LYPD6B: variants seen among roughly 807,000 people sequenced by gnomAD.
LYPD6B encodes the protein ly6/PLAUR domain-containing protein 6B.
Under a neutral mutation model 22.8 loss-of-function variants are expected in LYPD6B, and 17 were observed. The observed-to-expected ratio is 0.75, with a 90% CI of 0.51 to 1.12. The LOEUF (loss-of-function observed/expected upper bound fraction) is 1.12. LYPD6B is among the 50% of genes most tolerant of loss of function. The probability of loss-of-function intolerance (pLI) is 0.00; values close to 1 mark genes in which losing one functional copy is unlikely to be tolerated. For synonymous variants in LYPD6B, 106 were observed against 91.6 expected, an observed-to-expected ratio of 1.16 and a Z score of -0.90; for missense variants, 221 against 258.3, an observed-to-expected ratio of 0.86 and a Z score of 0.99.
rs952129082 is a variant in LYPD6B at position 149,214,773 on chromosome 2, C to T, written c.*63C>T. ...AAGCACAAGCCAAAAACTGTGTGAACGGTGAACTTTGGAGTGAAGATCAAT... is the reference window on the plus strand; with the variant it reads ...AAGCACAAGCCAAAAACTGTGTGAATGGTGAACTTTGGAGTGAAGATCAAT... On this transcript the variant is annotated 3_prime_UTR_variant, in exon 7 of 7. Transcript: ENST00000409642. The T allele has an allele frequency of 4.3e-5, 66 of 1,544,912 alleles. No individual in the cohort carries two copies. The highest frequency in any genetic ancestry group is 1.2e-4 in the South Asian group (11 of 88,872).
chr2:149,157,249 T>C (rs187271901), intron 2 of LYPD6B, among the ~76,000 whole-genome samples: 5 of 152,238 alleles, frequency 3.3e-5, no homozygotes, highest in Admixed American at 6.5e-5. Flanking sequence ...TGCTTACTTA[T>C]ATACTAAAAA....
At position 149,070,641 on chromosome 2, in the gene LYPD6B, CCTT is replaced by C. The variant is rs572153773; in HGVS notation, c.-67+31843_-67+31845del. Among the ~76,000 whole-genome samples the C allele has an allele frequency of 2.6e-5, 4 of 152,282 alleles. No homozygotes were observed. The South Asian group carries it at 6.2e-4, about 24-fold the overall frequency. ...GTTGGCTTCTAGTCATCATAACTGA[CCTT>C]CTCCATAATTAGACAACCCATTGTA... On this transcript the variant is annotated intron_variant, in intron 1 of 6. Transcript: ENST00000409642.
At chr2:149,134,385 C>T (rs563230951) in intron 2 of LYPD6B, among the ~76,000 whole-genome samples, 26 of 152,208 alleles carry the variant, frequency 1.7e-4, no homozygotes, top group Non-Finnish European at 2.9e-4. Flanking sequence ...CATTATATTT[C>T]GATTACATGG....
intron 1 of LYPD6B, among the ~76,000 whole-genome samples, chr2:149,050,357 A>T (rs1325806941): frequency 5.3e-5 from 8 of 152,178 alleles, no homozygotes; most frequent in Non-Finnish European, 1.0e-4. Flanking sequence ...TTCACCCTGG[A>T]GACAGTCTTC....
chr2:149,195,046 C>T (rs115841081), intron 3 of LYPD6B, among the ~76,000 whole-genome samples: 27 of 152,220 alleles, frequency 1.8e-4, no homozygotes, highest in Non-Finnish European at 3.2e-4. Flanking sequence ...TGTTACAAAA[C>T]TTAAAACATT....
At chr2:149,039,062 G>T (rs1401101217) in intron 1 of LYPD6B, among the ~76,000 whole-genome samples, 1 of 151,972 alleles carries the variant, frequency 6.6e-6, no homozygotes, top group Non-Finnish European at 1.5e-5. Context: ...GGGGGCCGGG[G>T]CAAGGCTGGA....
At chr2:149,157,018 T>A (rs1689747673) in intron 2 of LYPD6B, among the ~76,000 whole-genome samples, 1 of 152,216 alleles carries the variant, frequency 6.6e-6, no homozygotes, top group South Asian at 2.1e-4. Context: ...GTTAAAAGTT[T>A]AGCTCTCAAA....
chr2:149,107,519 A>G (rs1276024730), intron 1 of LYPD6B, among the ~76,000 whole-genome samples: 1 of 152,254 alleles, frequency 6.6e-6, no homozygotes, highest in Non-Finnish European at 1.5e-5. Flanking sequence ...CTGTAAAATT[A>G]TTCCCAAGTG....
At chr2:149,158,146 AT>A (rs1216103101) in intron 2 of LYPD6B, among the ~76,000 whole-genome samples, 4 of 152,238 alleles carry the variant, frequency 2.6e-5, no homozygotes, top group Non-Finnish European at 4.4e-5. Context: ...TAGGATTTGT[AT>A]AATTAACTGG....
rs117783903 is a variant in LYPD6B at position 149,056,704 on chromosome 2, T to A, written c.-67+17903T>A. 2.2e-4 allele frequency among the ~76,000 whole-genome samples: 34 copies of A among 152,256 alleles called. No homozygotes were observed. In the East Asian group the frequency reaches 4.1e-3, roughly 18 times the overall value. On this transcript the variant is annotated intron_variant, in intron 1 of 6. Transcript: ENST00000409642. ...ATCCTCTGTAGGGAGGCAATCTGTGTACAGCCCACTCTTGGCTCCATTTGT... is the reference window on the plus strand; with the variant it reads ...ATCCTCTGTAGGGAGGCAATCTGTGAACAGCCCACTCTTGGCTCCATTTGT...
At chr2:149,130,265 G>GT in intron 1 of LYPD6B, among the ~76,000 whole-genome samples, 1 of 152,288 alleles carries the variant, frequency 6.6e-6, no homozygotes, top group East Asian at 1.9e-4. Context: ...GATGTATGAC[G>GT]TTTTTATTAT....
At chr2:149,110,867 G>C (rs1017208323) in intron 1 of LYPD6B, among the ~76,000 whole-genome samples, 2 of 152,136 alleles carry the variant, frequency 1.3e-5, no homozygotes, top group Admixed American at 1.3e-4. Flanking sequence ...ATAAGGCAGA[G>C]TAAAAGGAGA....
At chr2:149,157,701 G>T (rs1433156751) in intron 2 of LYPD6B, among the ~76,000 whole-genome samples, 4 of 152,218 alleles carry the variant, frequency 2.6e-5, no homozygotes, top group African/African-American at 9.6e-5. Context: ...GTGAAGACCA[G>T]CAGTGGAGCC....
Position 149,205,400 on chromosome 2 carries a change from C to A in LYPD6B, c.225C>A (p.Leu75=), listed in dbSNP as rs372746729. ...ACTTCTATAATGTGAGGCCTCCTCTCGACCGTAAGTAGTGGTGGTTGCCAT... is the reference window on the plus strand; with the variant it reads ...ACTTCTATAATGTGAGGCCTCCTCTAGACCGTAAGTAGTGGTGGTTGCCAT... The part of the protein sequence containing the change: ...NINFYNVRPP[L]DPTPFPNSFK... Residue 75 remains leucine (L), a synonymous_variant, in exon 4 of 7, where the codon CTC becomes CTA. Coordinates refer to ENST00000409642, the MANE Select transcript of LYPD6B (RefSeq NM_177964.5). 1 of 1,613,646 alleles carries A rather than the reference C, an allele frequency of 6.2e-7. No homozygotes were observed. Among genetic ancestry groups the A allele is most frequent in the South Asian group, 1.1e-5 (1 of 91,000 alleles).
chr2:149,150,778 T>G (rs1559034483), intron 2 of LYPD6B, among the ~76,000 whole-genome samples: 1 of 152,136 alleles, frequency 6.6e-6, no homozygotes, highest in Admixed American at 6.5e-5. Flanking sequence ...TGTATTTTTC[T>G]TCCCTTTGTT....
chr2:149,128,219 C>G (rs879921414), intron 1 of LYPD6B, among the ~76,000 whole-genome samples: 1 of 152,128 alleles, frequency 6.6e-6, no homozygotes, highest in Non-Finnish European at 1.5e-5. Context: ...TACCTAGTCA[C>G]ATCTGTCATG....
intron 1 of LYPD6B, among the ~76,000 whole-genome samples, chr2:149,057,126 A>T (rs1574886441): frequency 2.6e-5 from 4 of 152,300 alleles, no homozygotes; most frequent in Middle Eastern, 3.4e-3. Context: ...TGATAAGTCA[A>T]TTCAGACTCG....
At chr2:149,047,524 T>TG (rs1683366043) in intron 1 of LYPD6B, among the ~76,000 whole-genome samples, 1 of 152,162 alleles carries the variant, frequency 6.6e-6, no homozygotes, top group South Asian at 2.1e-4. Context: ...ATTTTATTTT[T>TG]GTCTTTGGTT....
chr2:149,194,008 C>T (rs1342589968), intron 3 of LYPD6B, among the ~76,000 whole-genome samples: 2 of 152,148 alleles, frequency 1.3e-5, no homozygotes, highest in Non-Finnish European at 2.9e-5. Flanking sequence ...GCCCATCTCT[C>T]TCTGCTTATT....
Sources: gnomAD v4.1 joint callset for allele counts (sites outside exome capture counted in the v4.1 genomes callset) on GRCh38, gnomAD v4.1.1 for gene constraint, MANE v1.5 for transcripts, NCBI Gene and HGNC (gene_info 2026-07-23, HGNC 2026-07-21) for gene names.